Variants in RIN2 observed in about 807,000 individuals in gnomAD.
RIN2 encodes Ras and Rab interactor 2, also known as RAB5 interacting protein 2.
In RIN2, 36 loss-of-function variants were observed where a neutral mutation model predicts 78.0. That is an observed-to-expected ratio of 0.46 (90% CI 0.35 to 0.61). RIN2 has a LOEUF of 0.61. Ranked by LOEUF, RIN2 falls within the 20% of genes least tolerant of loss-of-function variation. RIN2 has a pLI of 0.00. For missense variants in RIN2, 1,087 were observed against 1,159.7 expected (o/e 0.94, Z 0.91); for synonymous variants, 466 against 466.8 (o/e 1.00, Z 0.02).
chr20:19,926,606 T>G (rs1288906358), intron 3 of RIN2, among the ~76,000 whole-genome samples: 5 of 152,008 alleles, frequency 3.3e-5, no homozygotes. Flanking sequence ...TAATGCGGTT[T>G]TTTTAGGATC....
At chr20:19,830,184 C>T (rs1475077865) in intron 2 of RIN2, among the ~76,000 whole-genome samples, 1 of 152,090 alleles carries the variant, frequency 6.6e-6, no homozygotes, top group Non-Finnish European at 1.5e-5. Context: ...TTTTATGAAA[C>T]CATTTGTTTT....
At chr20:19,928,737 A>G (rs2040327600) in intron 3 of RIN2, among the ~76,000 whole-genome samples, 1 of 152,142 alleles carries the variant, frequency 6.6e-6, no homozygotes, top group Admixed American at 6.5e-5. Context: ...GCACGAATGC[A>G]GGACGAGGGA....
chr20:19,913,819 A>G (rs2039572576), intron 3 of RIN2, among the ~76,000 whole-genome samples: 1 of 152,236 alleles, frequency 6.6e-6, no homozygotes, highest in Non-Finnish European at 1.5e-5. Flanking sequence ...CATTTTGCTT[A>G]TTCATTCATC....
chr20:19,806,012 T>C lies in RIN2; in HGVS notation c.-37+6265T>C, dbSNP rs181693656. ...TGATAGTTTGCTGAGAATGATGGTT[T>C]CCATCTTCATCCATGTCCCTGCAAA... On this transcript the variant is annotated intron_variant, in intron 2 of 12. Coordinates refer to ENST00000255006, the MANE Select transcript of RIN2 (RefSeq NM_018993.4). Among the ~76,000 whole-genome samples, 3 of 152,298 alleles carry C rather than the reference T, an allele frequency of 2.0e-5. No individual in the cohort carries two copies. The East Asian group carries it at 5.8e-4, about 29-fold the overall frequency.
chr20:19,970,713 A>C, intron 7 of RIN2, 125 bp from the exon 8 acceptor site: 2 of 729,016 alleles, frequency 2.7e-6, no homozygotes, highest in Middle Eastern at 2.7e-4. Flanking sequence ...CTTTGTCGAT[A>C]TGGTATGGTG....
Position 20,001,806 on chromosome 20 carries a change from A to T in RIN2, c.*870A>T, listed in dbSNP as rs2043149599. ...GAGAGAGAAATATGAACTCTAACAAAGGACTGAGGAGTGCAGTCTGCTGGT... is the reference window on the plus strand; with the variant it reads ...GAGAGAGAAATATGAACTCTAACAATGGACTGAGGAGTGCAGTCTGCTGGT... On this transcript the variant is annotated 3_prime_UTR_variant, in exon 13 of 13. Coordinates refer to ENST00000255006, the MANE Select transcript of RIN2 (RefSeq NM_018993.4). 1 of 152,652 alleles carries T rather than the reference A, an allele frequency of 6.6e-6. No homozygotes were observed. The highest frequency in any genetic ancestry group is 2.4e-5 in the African/African-American group (1 of 41,456). 9.5% of individuals were successfully genotyped at this position (152,652 alleles called of 1,614,324 possible). A position where few individuals can be genotyped will look rare whatever the true frequency, so the allele number is the denominator to read the frequency against.
chr20:19,929,627 G>T (rs1600840656), intron 3 of RIN2, among the ~76,000 whole-genome samples: 1 of 152,178 alleles, frequency 6.6e-6, no homozygotes, highest in Admixed American at 6.5e-5. Flanking sequence ...CTCCGGAAGT[G>T]CTGGGATTAC....
intron 3 of RIN2, among the ~76,000 whole-genome samples, chr20:19,900,604 C>T (rs771928795): frequency 6.6e-6 from 1 of 151,352 alleles, no homozygotes; most frequent in Non-Finnish European, 1.5e-5. Context: ...CCCTGGGCAA[C>T]ACAGGGAGAC....
chr20:19,807,937 TA>T (rs1343295597), intron 2 of RIN2, among the ~76,000 whole-genome samples: 2 of 152,228 alleles, frequency 1.3e-5, no homozygotes, highest in Non-Finnish European at 2.9e-5. Flanking sequence ...CTTGCAGTTT[TA>T]TGCTTTTTGT....
Position 19,889,622 on chromosome 20 carries a change from C to G in RIN2, c.21C>G (p.Gly7=). The G allele has an allele frequency of 6.5e-7, 1 of 1,548,640 alleles. No individual in the cohort carries two copies. Among genetic ancestry groups the G allele is most frequent in the Non-Finnish European group, 8.7e-7 (1 of 1,145,482 alleles). Residue 7 remains glycine (G), a synonymous_variant, in exon 3 of 13, where the codon GGC becomes GGG. Coordinates refer to ENST00000255006, the MANE Select transcript of RIN2 (RefSeq NM_018993.4). Reference sequence around the variant, plus strand: ...GGGAAATGACAGCTTGGACCATGGGCGCCCGCGGTCTGGACAAGCGAGGAA... The same window carrying G: ...GGGAAATGACAGCTTGGACCATGGGGGCCCGCGGTCTGGACAAGCGAGGAA... MTAWTM[G]ARGLDKRGSF...
chr20:19,861,620 A>G (rs745700589), intron 2 of RIN2, among the ~76,000 whole-genome samples: 2 of 149,324 alleles, frequency 1.3e-5, no homozygotes, highest in East Asian at 4.0e-4. Context: ...TCTGATGATC[A>G]CCCTCCATAT....
chr20:19,810,864 TTG>T (rs1217846818), intron 2 of RIN2, among the ~76,000 whole-genome samples: 4 of 140,390 alleles, frequency 2.8e-5, no homozygotes, highest in African/African-American at 1.1e-4. Flanking sequence ...CGGCTAAATT[TTG>T]TGTGTGTGTG....
chr20:19,836,085 C>T (rs8119424), intron 2 of RIN2, among the ~76,000 whole-genome samples: 3,281 of 152,232 alleles, frequency 0.022, 125 homozygotes, highest in African/African-American at 0.076. Flanking sequence ...AGCTCTGCAC[C>T]AAGCACTTAG....
chr20:19,998,602 CCCT>C (rs1434209736), intron 12 of RIN2, among the ~76,000 whole-genome samples: 6 of 152,112 alleles, frequency 3.9e-5, no homozygotes, highest in Non-Finnish European at 8.8e-5. Flanking sequence ...CAGAATGAGA[CCCT>C]GTATCAAAAA....
intron 2 of RIN2, among the ~76,000 whole-genome samples, chr20:19,877,488 AC>A (rs1255674730): frequency 1.3e-5 from 2 of 152,126 alleles, no homozygotes; most frequent in Non-Finnish European, 2.9e-5. Context: ...TTGTAGACTC[AC>A]CCCGTGAAAG....
chr20:19,852,614 G>T (rs527396369), intron 2 of RIN2, among the ~76,000 whole-genome samples: 9 of 152,306 alleles, frequency 5.9e-5, no homozygotes, highest in Admixed American at 1.3e-4. Context: ...GGGATAGTGG[G>T]CAGGCTGCTC....
chr20:19,804,069 G>T lies in RIN2; in HGVS notation c.-37+4322G>T, dbSNP rs138214627. On this transcript the variant is annotated intron_variant, in intron 2 of 12. Transcript: ENST00000255006. Reference sequence around the variant, plus strand: ...TTTTGCATCCTGAGACTTTGCTGAAGTTGCTTATCAGCTTAAGAGGCTTTT... The same window carrying T: ...TTTTGCATCCTGAGACTTTGCTGAATTTGCTTATCAGCTTAAGAGGCTTTT... Among the ~76,000 whole-genome samples, 340 of 152,312 alleles carry T rather than the reference G, an allele frequency of 2.2e-3. 2 individuals carry two copies. Among genetic ancestry groups the T allele is most frequent in the Admixed American group, 6.9e-3 (106 of 15,304 alleles).
chr20:19,929,146 C>T (rs545364697), intron 3 of RIN2, among the ~76,000 whole-genome samples: 1 of 152,294 alleles, frequency 6.6e-6, no homozygotes, highest in East Asian at 1.9e-4. Flanking sequence ...CCACCACTTT[C>T]CCAGGTGTCC....
rs766615196 is a variant in RIN2 at position 19,974,894 on chromosome 20, G to T, written c.869G>T (p.Arg290Leu). 11 of 1,613,946 alleles carry T rather than the reference G, an allele frequency of 6.8e-6. No homozygotes were observed. The East Asian group carries it at 1.1e-4, about 16-fold the overall frequency. The change falls in exon 9 of 13, where the codon CGG becomes CTG. Residue 290 changes from arginine (R) to leucine (L), a missense_variant. Physicochemically the swap from Arg to Leu is moderately radical, Grantham distance 102 (BLOSUM62 -2). Transcript: ENST00000255006. ...CAGGACCTCAGTGGAGGCCTGAAACGGCCGAGCACAAGGACTCCCAACGCG... is the reference window on the plus strand; with the variant it reads ...CAGGACCTCAGTGGAGGCCTGAAACTGCCGAGCACAAGGACTCCCAACGCG... ...HSQDLSGGLK[R>L]PSTRTPNANG... is the part of the protein sequence containing the mutation.
Sources: allele counts gnomAD v4.1 joint callset (sites outside exome capture counted in the v4.1 genomes callset), GRCh38; gene constraint gnomAD v4.1.1; transcripts MANE v1.5; gene names NCBI Gene and HGNC (gene_info 2026-07-23, HGNC 2026-07-21).